The following KAZN variants were observed in gnomAD, a reference collection of about 807,000 sequenced individuals.
KAZN encodes the protein kazrin.
In KAZN, 40 loss-of-function variants were observed where a neutral mutation model predicts 87.4. The observed-to-expected ratio is 0.46, with a 90% CI of 0.36 to 0.60. The LOEUF is 0.60. KAZN is among the 20% of genes least tolerant of loss of function. The pLI is 0.00. For synonymous variants in KAZN, 466 were observed against 458.3 expected (o/e 1.02, Z -0.22); for missense variants, 898 against 1,073.9 (o/e 0.84, Z 2.29).
At chr1:14,242,407 C>T (rs868466515) in intron 2 of KAZN, among the ~76,000 whole-genome samples, 1 of 152,090 alleles carries the variant, frequency 6.6e-6, no homozygotes. Context: ...GAATGACAGA[C>T]CTTCCAGCAA....
At chr1:14,600,284 A>G (rs1217857659) in intron 1 of KAZN, among the ~76,000 whole-genome samples, 1 of 152,166 alleles carries the variant, frequency 6.6e-6, no homozygotes, top group East Asian at 1.9e-4. Flanking sequence ...CAGTGGCTCA[A>G]AATGATTTTC....
At chr1:15,040,021 G>A (rs929464862) in intron 3 of KAZN, among the ~76,000 whole-genome samples, 6 of 152,192 alleles carry the variant, frequency 3.9e-5, no homozygotes, top group African/African-American at 1.2e-4. Flanking sequence ...AGAGAGTCGC[G>A]CCTGTAGATC....
intron 2 of KAZN, among the ~76,000 whole-genome samples, chr1:14,521,884 A>T (rs907519672): frequency 6.6e-6 from 1 of 152,224 alleles, no homozygotes; most frequent in African/African-American, 2.4e-5. Flanking sequence ...TTTTAAGTGG[A>T]TAAAAGTGCA....
chr1:13,996,246 G>A (rs780049073), intron 1 of KAZN, among the ~76,000 whole-genome samples: 1 of 152,112 alleles, frequency 6.6e-6, no homozygotes, highest in African/African-American at 2.4e-5. Flanking sequence ...TGCCACTGGG[G>A]CCTAGAGTCC....
intron 1 of KAZN, among the ~76,000 whole-genome samples, chr1:14,150,172 A>G (rs1364988483): frequency 6.6e-6 from 1 of 152,214 alleles, no homozygotes; most frequent in Non-Finnish European, 1.5e-5. Context: ...GCCAAAGGTT[A>G]CACAACAAGC....
chr1:14,598,554 C>A (rs921386247), upstream of KAZN: 25 of 549,596 alleles, frequency 4.5e-5, no homozygotes, highest in Non-Finnish European at 5.6e-5. The surrounding 1 kb of genome is among the most constrained non-coding windows in gnomAD (Gnocchi z 4.2). Flanking sequence ...TCCGCCCCCC[C>A]GGGGGGTGTG....
At chr1:14,805,652 G>C (rs1646186998) in intron 1 of KAZN, among the ~76,000 whole-genome samples, 1 of 151,964 alleles carries the variant, frequency 6.6e-6, no homozygotes, top group Admixed American at 6.6e-5. Flanking sequence ...CAGCTACTCG[G>C]GAGGCTGAGA....
chr1:14,296,128 G>A (rs1654096051), intron 2 of KAZN, among the ~76,000 whole-genome samples: 1 of 152,202 alleles, frequency 6.6e-6, no homozygotes, highest in Admixed American at 6.5e-5. Flanking sequence ...GACATACCAT[G>A]TGAGTGTAAG....
At chr1:14,296,357 A>C (rs542496645) in intron 2 of KAZN, among the ~76,000 whole-genome samples, 51 of 152,096 alleles carry the variant, frequency 3.4e-4, no homozygotes, top group Admixed American at 1.1e-3. Context: ...AGGCTTCTGC[A>C]TCAGCCTGTC....
At chr1:14,234,221 G>C (rs181883147) in intron 2 of KAZN, among the ~76,000 whole-genome samples, 33 of 152,284 alleles carry the variant, frequency 2.2e-4, no homozygotes, top group African/African-American at 7.7e-4. Context: ...ATACTATGCA[G>C]CCATAAAAAA....
intron 2 of KAZN, among the ~76,000 whole-genome samples, chr1:14,434,418 G>C (rs1462180630): frequency 6.6e-6 from 1 of 152,194 alleles, no homozygotes; most frequent in South Asian, 2.1e-4. Context: ...TCTCATGAAG[G>C]ACAAAACTCA....
At position 14,394,921 on chromosome 1, in the gene KAZN, G is replaced by A. The variant is rs560931318; in HGVS notation, c.250-204062G>A. On this transcript the variant is annotated intron_variant, in intron 2 of 16. Transcript: ENST00000636203. ...GATATGACCTAGCTTTGCAGACTCA[G>A]GAGCTTCTGTTCAGTCCAGTCTACT... 5.3e-5 allele frequency among the ~76,000 whole-genome samples: 8 copies of A among 152,300 alleles called. No individual in the cohort carries two copies. In the South Asian group the frequency reaches 1.5e-3, roughly 28 times the overall value.
intron 1 of KAZN, among the ~76,000 whole-genome samples, chr1:14,036,255 T>TG (rs1641553403): frequency 6.6e-6 from 1 of 151,976 alleles, no homozygotes; most frequent in Non-Finnish European, 1.5e-5. Flanking sequence ...CAGTTTTGGG[T>TG]GGGAGGAAGG....
In KAZN at chr1:14,627,783, A is replaced by G. The variant is rs184843616; in HGVS notation, c.226+28560A>G. Among the ~76,000 whole-genome samples the G allele has an allele frequency of 9.8e-4, 150 of 152,342 alleles. 1 individual carries two copies. Among genetic ancestry groups the G allele is most frequent in the African/African-American group, 3.4e-3 (143 of 41,590 alleles). ...GACCGCCAAACAACCAGCTAAGTTT[A>G]GAGAAGCTCCACACCTAGGCCTGAT... On this transcript the variant is annotated intron_variant, in intron 1 of 14. Transcript: ENST00000376030.
intron 1 of KAZN, among the ~76,000 whole-genome samples, chr1:14,834,384 T>C (rs565230832): frequency 0.013 from 1,634 of 128,996 alleles, 60 homozygotes; most frequent in Admixed American, 0.084. Context: ...TTTTTTGAGA[T>C]AGAGTCTCGC....
intron 1 of KAZN, among the ~76,000 whole-genome samples, chr1:14,782,554 CAAAAAAAAAAA>C (rs71572122): frequency 1.5e-5 from 1 of 66,266 alleles, no homozygotes; most frequent in Admixed American, 2.1e-4. Context: ...CCTCAAAGAG[CAAAAAAAAAAA>C]AAAAAAAAAA....
rs1676692928 is a variant in KAZN at position 14,598,772 on chromosome 1, C to A, written c.-226C>A. 2 of 1,348,978 alleles carry A rather than the reference C, an allele frequency of 1.5e-6. No individual in the cohort carries two copies. The highest frequency in any genetic ancestry group is 1.5e-5 in the African/African-American group (1 of 64,646). The allele number at this position is 1,348,978 out of a possible 1,614,324, so 83.6% of individuals were successfully genotyped here. ...CCTTCTCCTCCTCTTTTTTCTCCTC[C>A]GCCTCCTCCCCCCGCCGCCTCGCCA... On this transcript the variant is annotated 5_prime_UTR_variant, in exon 1 of 15. Transcript: ENST00000376030. The surrounding 1 kb of genome is among the most constrained non-coding windows in gnomAD (Gnocchi z 4.2).
At chr1:14,473,246 C>T (rs1462348363) in intron 2 of KAZN, among the ~76,000 whole-genome samples, 1 of 120,138 alleles carries the variant, frequency 8.3e-6, no homozygotes, top group African/African-American at 3.2e-5. Context: ...TTAGGACATA[C>T]TTATCTAAAG....
intron 13 of KAZN, among the ~76,000 whole-genome samples, chr1:15,108,751 G>T (rs1641384779): frequency 1.3e-5 from 2 of 152,084 alleles, no homozygotes; most frequent in African/African-American, 4.8e-5. Context: ...TAGTGCCCAG[G>T]GTTCTCTACA....
Sources: allele counts gnomAD v4.1 joint callset (sites outside exome capture counted in the v4.1 genomes callset), GRCh38; gene constraint gnomAD v4.1.1; non-coding constraint Gnocchi (gnomAD v3.1); transcripts MANE v1.5; gene names NCBI Gene and HGNC (gene_info 2026-07-23, HGNC 2026-07-21).